EPHA5: variants seen among roughly 807,000 people sequenced by gnomAD.
The protein encoded by EPHA5 is ephrin type-A receptor 5.
Under a neutral mutation model 105.0 loss-of-function variants are expected in EPHA5, and 60 were observed. The observed-to-expected ratio is 0.57, with a 90% confidence interval of 0.46 to 0.71. The LOEUF is 0.71. EPHA5 is among the 30% of genes least tolerant of loss of function. The probability of loss-of-function intolerance (pLI) is 0.00; values close to 1 mark genes in which losing one functional copy is unlikely to be tolerated. For missense variants in EPHA5, 1,218 were observed against 1,274.7 expected, an observed-to-expected ratio of 0.96 and a Z score of 0.68; for synonymous variants, 513 against 449.1, an observed-to-expected ratio of 1.14 and a Z score of -1.80.
chr4:65,450,109 T>C (rs4283727), intron 5 of EPHA5, among the ~76,000 whole-genome samples: 132,861 of 152,180 alleles, frequency 0.87, 58,239 homozygotes, highest in Middle Eastern at 0.93. Context: ...TTTTTAAATA[T>C]TTTTTTTACT....
chr4:65,379,345 A>G (rs540050480), intron 8 of EPHA5, among the ~76,000 whole-genome samples: 14 of 151,812 alleles, frequency 9.2e-5, no homozygotes, highest in African/African-American at 3.1e-4. Flanking sequence ...ACCAAGTTAC[A>G]TATCATTAGA....
chr4:65,366,183 G>C (rs942550843), intron 9 of EPHA5, 126 bp from the exon 10 acceptor site: 17 of 782,124 alleles, frequency 2.2e-5, no homozygotes, highest in Non-Finnish European at 2.9e-5. Flanking sequence ...GCAAGGACCA[G>C]CCCTCTCCTG....
intron 8 of EPHA5, among the ~76,000 whole-genome samples, chr4:65,379,391 A>C (rs1485854364): frequency 1.3e-5 from 2 of 151,734 alleles, no homozygotes; most frequent in Non-Finnish European, 1.5e-5. Context: ...TTTGATTTAA[A>C]AACCTAGAAC....
intron 3 of EPHA5, among the ~76,000 whole-genome samples, chr4:65,574,883 G>A (rs1740736693): frequency 6.6e-6 from 1 of 150,862 alleles, no homozygotes; most frequent in Non-Finnish European, 1.5e-5. Context: ...GGGCTCTCTG[G>A]CATCTCACTG....
At chr4:65,572,560 C>T (rs551432314) in intron 3 of EPHA5, among the ~76,000 whole-genome samples, 4 of 152,236 alleles carry the variant, frequency 2.6e-5, no homozygotes, top group African/African-American at 9.6e-5. Flanking sequence ...CCTTAAATAG[C>T]ATAATGAGCC....
At chr4:65,492,254 T>A (rs549450228) in intron 4 of EPHA5, among the ~76,000 whole-genome samples, 1 of 152,034 alleles carries the variant, frequency 6.6e-6, no homozygotes, top group Non-Finnish European at 1.5e-5. Flanking sequence ...CGGGCTGAAA[T>A]GCACTGGAGT....
intron 2 of EPHA5, among the ~76,000 whole-genome samples, chr4:65,605,209 G>A (rs927385608): frequency 3.3e-5 from 5 of 152,088 alleles, no homozygotes; most frequent in Non-Finnish European, 7.4e-5. Context: ...CAGGTCAGTT[G>A]CGTTCTAAAC....
chr4:65,345,750 A>G (rs907040249), intron 14 of EPHA5, among the ~76,000 whole-genome samples: 1 of 151,888 alleles, frequency 6.6e-6, no homozygotes, highest in African/African-American at 2.4e-5. Flanking sequence ...TAGGAAAGCA[A>G]TCATGCCTCT....
chr4:65,490,314 G>A, intron 5 of EPHA5, 63 bp downstream of exon 5: 4 of 1,475,036 alleles, frequency 2.7e-6, no homozygotes, highest in Non-Finnish European at 3.7e-6. Flanking sequence ...TTGGCCGTCA[G>A]CTATGGAAAT....
At chr4:65,557,492 G>A (rs1006362850) in intron 3 of EPHA5, among the ~76,000 whole-genome samples, 1 of 151,508 alleles carries the variant, frequency 6.6e-6, no homozygotes, top group African/African-American at 2.4e-5. Context: ...CTTTGATATA[G>A]GCACTGAAAC....
At chr4:65,333,530 AGTGTGTGTCTGTGTGTGTGTGTGT>A (rs1268418791) in intron 15 of EPHA5, among the ~76,000 whole-genome samples, 46 of 122,602 alleles carry the variant, frequency 3.8e-4, no homozygotes, top group African/African-American at 9.6e-4. Flanking sequence ...TGCGTGTGAG[AGTGTGTGTCTGTGTGTGTGTGTGT>A]GTGTGTGTGT....
intron 3 of EPHA5, among the ~76,000 whole-genome samples, chr4:65,578,976 C>T (rs1741340178): frequency 6.6e-6 from 1 of 151,790 alleles, no homozygotes; most frequent in Admixed American, 6.6e-5. Context: ...GTAACTTAAA[C>T]TTCAGTTAGA....
Position 65,606,080 on chromosome 4 carries a change from G to C in EPHA5, c.247-3776C>G, listed in dbSNP as rs1228646568. 2.0e-5 allele frequency among the ~76,000 whole-genome samples: 3 copies of C among 152,120 alleles called. No individual in the cohort carries two copies. In the East Asian group the frequency reaches 5.8e-4, roughly 29 times the overall value. ...TTGTCAGCATGTCTCTGCCTCAAAG[G>C]GTGGATTTGTGCATGGGATTCCTTG... On this transcript the variant is annotated intron_variant, in intron 2 of 16. Coordinates refer to ENST00000613740, the MANE Select transcript of EPHA5 (RefSeq NM_001281766.3).
intron 5 of EPHA5, among the ~76,000 whole-genome samples, chr4:65,434,306 ATTTTT>A (rs34971023): frequency 6.6e-6 from 1 of 151,676 alleles, no homozygotes; most frequent in African/African-American, 2.4e-5. Context: ...GGTTGTGGAC[ATTTTT>A]TTTAAGAAGA....
At position 65,382,628 on chromosome 4, in the gene EPHA5, C is replaced by T. The variant is rs543027819; in HGVS notation, c.1794-15204G>A. The stretch of plus-strand genomic sequence containing the variant: ...GAAATTACATAACAACAGTTCTCTA[C>T]TCATGTGTAACACAGTGGTTCCAAA... On this transcript the variant is annotated intron_variant, in intron 8 of 16. Coordinates refer to ENST00000613740, the MANE Select transcript of EPHA5 (RefSeq NM_001281766.3). Among the ~76,000 whole-genome samples the T allele has an allele frequency of 6.6e-5, 10 of 151,934 alleles. 1 individual carries two copies. The highest frequency in any genetic ancestry group is 3.9e-4 in the Admixed American group (6 of 15,200).
chr4:65,587,349 C>T (rs66510023), intron 3 of EPHA5, among the ~76,000 whole-genome samples: 38,207 of 151,898 alleles, frequency 0.25, 5,001 homozygotes, highest in African/African-American at 0.27. Flanking sequence ...CCAAACAAAA[C>T]AAAAACAACA....
chr4:65,400,820 A>G (rs941380748), intron 8 of EPHA5, among the ~76,000 whole-genome samples: 2 of 152,142 alleles, frequency 1.3e-5, no homozygotes, highest in African/African-American at 4.8e-5. Context: ...TCTTAGACCC[A>G]AATCATAAAA....
chr4:65,448,581 G>C (rs961539311), intron 5 of EPHA5, among the ~76,000 whole-genome samples: 2 of 152,200 alleles, frequency 1.3e-5, no homozygotes, highest in African/African-American at 2.4e-5. Flanking sequence ...CCAGGAGGCA[G>C]AGGTTGCAAT....
rs1309505351 is a variant in EPHA5, at chr4:65,348,671, TATATATATATATATATATATATATATAA to T, written c.2446-496_2446-469del. Among the ~76,000 whole-genome samples, 20 of 56,818 alleles carry T rather than the reference TATATATATATATATATATATATATATAA, an allele frequency of 3.5e-4. 1 individual carries two copies. The highest frequency in any genetic ancestry group is 2.8e-3 in the Admixed American group (15 of 5,284). 37.3% of individuals were successfully genotyped at this position (56,818 alleles called of 152,430 possible). A position where few individuals can be genotyped will look rare whatever the true frequency, so the allele number is the denominator to read the frequency against. Reference sequence around the variant, plus strand: ...CATAAACATTGGAGATATATATATATATATATATATATATATATATATATATAAAATATATATGTGTGTGTATATATAT... The same window carrying T: ...CATAAACATTGGAGATATATATATATAATATATATGTGTGTGTATATATAT... On this transcript the variant is annotated intron_variant, in intron 13 of 16. Transcript: ENST00000613740.
Sources: gnomAD v4.1 joint callset for allele counts (sites outside exome capture counted in the v4.1 genomes callset) on GRCh38, gnomAD v4.1.1 for gene constraint, MANE v1.5 for transcripts, NCBI Gene and HGNC (gene_info 2026-07-23, HGNC 2026-07-21) for gene names.